Variants in RGL1 observed in about 807,000 individuals in gnomAD.
The protein encoded by RGL1 is ral guanine nucleotide dissociation stimulator-like 1.
Under a neutral mutation model 95.2 loss-of-function variants are expected in RGL1, and 24 were observed. That is an observed-to-expected ratio of 0.25 (90% CI 0.18 to 0.35). The LOEUF is 0.35. Ranked by LOEUF, RGL1 falls within the 10% of genes least tolerant of loss-of-function variation. The pLI, the probability that RGL1 is intolerant of heterozygous loss-of-function variation, is 1.00. For synonymous variants in RGL1, 329 were observed against 344.9 expected (o/e 0.95, Z 0.51); for missense variants, 715 against 936.3 (o/e 0.76, Z 3.08).
chr1:183,829,820 T>C (rs910605731), intron 2 of RGL1, among the ~76,000 whole-genome samples: 1 of 150,190 alleles, frequency 6.7e-6, no homozygotes, highest in African/African-American at 2.5e-5. Context: ...TCTCTCACCA[T>C]TTATCTGGTG....
chr1:183,803,947 G>A (rs77212962), upstream of RGL1, among the ~76,000 whole-genome samples: 149 of 152,298 alleles, frequency 9.8e-4, 1 homozygote, highest in East Asian at 0.027. Flanking sequence ...TGCTAAAAGG[G>A]CATCTCCTCT....
chr1:183,750,428 C>G (rs968917797), intron 2 of RGL1, among the ~76,000 whole-genome samples: 1 of 152,172 alleles, frequency 6.6e-6, no homozygotes, highest in African/African-American at 2.4e-5. Flanking sequence ...TTATGTTCTT[C>G]TCTAAATTGG....
At chr1:183,880,441 T>C (rs1666760949) in intron 4 of RGL1, among the ~76,000 whole-genome samples, 175 bp from the exon 5 acceptor site, 1 of 152,206 alleles carries the variant, frequency 6.6e-6, no homozygotes, top group Admixed American at 6.5e-5. Flanking sequence ...TAAAGTTTAG[T>C]TTGTTTTCAA....
At chr1:183,909,098 G>A (rs1214241832) in intron 14 of RGL1, among the ~76,000 whole-genome samples, 1 of 152,202 alleles carries the variant, frequency 6.6e-6, no homozygotes, top group Non-Finnish European at 1.5e-5. Context: ...ATCTTGCTGG[G>A]ATAACCCTTG....
chr1:183,666,550 A>C (rs868661693), intron 1 of RGL1, among the ~76,000 whole-genome samples: 6 of 151,188 alleles, frequency 4.0e-5, no homozygotes, highest in Middle Eastern at 3.5e-3. Flanking sequence ...ATGAGGTTTC[A>C]CCATGTTTCC....
At chr1:183,733,931 T>G (rs1280132705) in intron 1 of RGL1, among the ~76,000 whole-genome samples, 1 of 152,250 alleles carries the variant, frequency 6.6e-6, no homozygotes, top group Non-Finnish European at 1.5e-5. Flanking sequence ...TAGAGCCAGC[T>G]CACTCTACAT....
At chr1:183,868,446 T>TG (rs995488537) in intron 4 of RGL1, among the ~76,000 whole-genome samples, 3 of 152,174 alleles carry the variant, frequency 2.0e-5, no homozygotes, top group African/African-American at 7.2e-5. Flanking sequence ...AGTGTGACCG[T>TG]GGACCTATAG....
In RGL1 at chr1:183,787,163, C is replaced by T. The variant is rs148347559; in HGVS notation, c.133-19212C>T. Among the ~76,000 whole-genome samples, 400 of 152,288 alleles carry T rather than the reference C, an allele frequency of 2.6e-3. 1 individual carries two copies. The highest frequency in any genetic ancestry group is 3.1e-3 in the Non-Finnish European group (209 of 68,018). ...GCAAGAGGTGGCTTGATTGGGCGCC[C>T]TCCTTCCCAGTGCCCGGTCTGTGAT... On this transcript the variant is annotated intron_variant, in intron 2 of 18. Transcript: ENST00000304685.
At chr1:183,756,255 C>T (rs1658332437) in intron 2 of RGL1, among the ~76,000 whole-genome samples, 1 of 151,374 alleles carries the variant, frequency 6.6e-6, no homozygotes, top group African/African-American at 2.4e-5. Context: ...GCAACTTTGA[C>T]CTCCCTGGTT....
At chr1:183,753,795 A>G (rs7516454) in intron 2 of RGL1, among the ~76,000 whole-genome samples, 67,665 of 151,994 alleles carry the variant, frequency 0.45, 16,099 homozygotes, top group East Asian at 0.8. Flanking sequence ...GAGATCCATG[A>G]AGTAGTGTTG....
At chr1:183,768,459 A>G (rs1459286125) in intron 2 of RGL1, among the ~76,000 whole-genome samples, 6 of 131,758 alleles carry the variant, frequency 4.6e-5, no homozygotes, top group Non-Finnish European at 6.4e-5. Flanking sequence ...ACCTTTAGAT[A>G]ACTTTTTTTT....
chr1:183,814,937 TA>T (rs1410784462), intron 2 of RGL1, among the ~76,000 whole-genome samples: 8 of 152,222 alleles, frequency 5.3e-5, no homozygotes, highest in Non-Finnish European at 8.8e-5. Flanking sequence ...AGACATTGGC[TA>T]AAAATAAAAT....
At chr1:183,700,404 A>T (rs2102140042) in intron 1 of RGL1, among the ~76,000 whole-genome samples, 1 of 151,188 alleles carries the variant, frequency 6.6e-6, no homozygotes, top group East Asian at 2.0e-4. Context: ...TCTCAGAAAA[A>T]TGGACAGAAA....
intron 4 of RGL1, among the ~76,000 whole-genome samples, chr1:183,868,682 G>GT (rs1194258164): frequency 6.6e-6 from 1 of 152,208 alleles, no homozygotes; most frequent in Non-Finnish European, 1.5e-5. Flanking sequence ...GAGAGATACT[G>GT]TAAGAATTGA....
rs910301705 is a variant in RGL1 at position 183,719,915 on chromosome 1, GA to G, written c.-32-22202del. 1.8e-4 allele frequency among the ~76,000 whole-genome samples: 27 copies of G among 150,312 alleles called. No homozygotes were observed. The East Asian group carries it at 3.7e-3, about 21-fold the overall frequency. On this transcript the variant is annotated intron_variant, in intron 1 of 18. Transcript: ENST00000304685. ...AGTGAGACTCCATCTCAAAAAAAATGAAAAAAAAATTGCAAAGGAAAGGGGA... is the reference window on the plus strand; with the variant it reads ...AGTGAGACTCCATCTCAAAAAAAATGAAAAAAAATTGCAAAGGAAAGGGGA...
At chr1:183,639,933 C>G (rs1649810303) in intron 1 of RGL1, among the ~76,000 whole-genome samples, 1 of 151,978 alleles carries the variant, frequency 6.6e-6, no homozygotes, top group Non-Finnish European at 1.5e-5. Flanking sequence ...ACCTCCGACT[C>G]CCTGGTTCAA....
chr1:183,784,774 G>T (rs1015595831), intron 2 of RGL1, among the ~76,000 whole-genome samples: 2 of 152,256 alleles, frequency 1.3e-5, no homozygotes, highest in East Asian at 1.9e-4. Context: ...ATCTTAATTG[G>T]AGCTGTATTT....
rs912387284 is a variant in RGL1 at position 183,749,320 on chromosome 1, A to G, written c.132+7031A>G. ...GGGTGCTCCTACATTGGTTGCATAT[A>G]TATTTAGGATAGCCATCTCTTCTTG... is the stretch of plus-strand genomic sequence containing the variant. On this transcript the variant is annotated intron_variant, in intron 2 of 18. Coordinates refer to the RGL1 transcript ENST00000304685. Among the ~76,000 whole-genome samples, 18 of 152,310 alleles carry G rather than the reference A, an allele frequency of 1.2e-4. No homozygotes were observed. In the East Asian group the frequency reaches 3.3e-3, roughly 28 times the overall value.
At chr1:183,899,295 A>T (rs549147121) in intron 10 of RGL1, among the ~76,000 whole-genome samples, 1 of 152,300 alleles carries the variant, frequency 6.6e-6, no homozygotes, top group South Asian at 2.1e-4. Context: ...GTATCTTCTT[A>T]TCTGTTCCAG....
Sources: gnomAD v4.1 joint callset for allele counts (sites outside exome capture counted in the v4.1 genomes callset) on GRCh38, gnomAD v4.1.1 for gene constraint, MANE v1.5 for transcripts, NCBI Gene and HGNC (gene_info 2026-07-23, HGNC 2026-07-21) for gene names.